The following CAMTA1 variants were observed in gnomAD, a reference collection of about 807,000 sequenced individuals.
The protein encoded by CAMTA1 is calmodulin-binding transcription activator 1.
Under a neutral mutation model 170.9 loss-of-function variants are expected in CAMTA1, and 27 were observed. That is an observed-to-expected ratio of 0.16 (90% CI 0.12 to 0.22). The LOEUF is 0.22. Among genes scored for constraint, CAMTA1 ranks in the 10% least tolerant of loss-of-function variants. The pLI, the probability that CAMTA1 is intolerant of heterozygous loss-of-function variation, is 1.00. For synonymous variants in CAMTA1, 833 were observed against 891.5 expected (o/e 0.93, Z 1.17); for missense variants, 1,619 against 2,217.2 (o/e 0.73, Z 5.42).
chr1:7,352,540 C>T (rs1053729251), intron 5 of CAMTA1, among the ~76,000 whole-genome samples: 23 of 152,306 alleles, frequency 1.5e-4, no homozygotes, highest in Admixed American at 7.8e-4. Flanking sequence ...TGCAGGTGTC[C>T]TCACTGATTT....
At chr1:7,150,276 C>G (rs533437727) in intron 4 of CAMTA1, among the ~76,000 whole-genome samples, 1 of 152,320 alleles carries the variant, frequency 6.6e-6, no homozygotes, top group Non-Finnish European at 1.5e-5. Flanking sequence ...CAGGTGGGCA[C>G]AGGCCCATTG....
chr1:7,156,858 T>C (rs914813474), intron 4 of CAMTA1, among the ~76,000 whole-genome samples: 2 of 152,122 alleles, frequency 1.3e-5, no homozygotes, highest in African/African-American at 4.8e-5. Flanking sequence ...AGTCCTCCAC[T>C]ACCACCGCCA....
intron 3 of CAMTA1, among the ~76,000 whole-genome samples, chr1:6,891,378 T>C (rs1674462846): frequency 6.6e-6 from 1 of 152,236 alleles, no homozygotes; most frequent in Non-Finnish European, 1.5e-5. Context: ...ATGTTTGCGC[T>C]CAGTCCCTGA....
At chr1:6,827,514 A>G (rs1360658696) in intron 3 of CAMTA1, among the ~76,000 whole-genome samples, 1 of 151,680 alleles carries the variant, frequency 6.6e-6, no homozygotes, top group Non-Finnish European at 1.5e-5. Flanking sequence ...GCAGAATGTT[A>G]TGTGGCGATG....
chr1:7,389,931 G>T (rs1211978980), intron 5 of CAMTA1, among the ~76,000 whole-genome samples: 5 of 152,134 alleles, frequency 3.3e-5, no homozygotes. Context: ...CCAAGTCAGG[G>T]CCACTAGTTT....
In CAMTA1 at chr1:7,443,036, T is replaced by C. The variant is rs145746022; in HGVS notation, c.439-24794T>C. ...TGAACACTTCTTCCTGCCTGTGGTC[T>C]CTCCTTGCCCCTGCGCAGATCCTCC... On this transcript the variant is annotated intron_variant, in intron 5 of 22. Coordinates refer to ENST00000303635, the MANE Select transcript of CAMTA1 (RefSeq NM_015215.4). The surrounding 1 kb of genome is among the most constrained non-coding windows in gnomAD (Gnocchi z 4.1). Among the ~76,000 whole-genome samples the C allele has an allele frequency of 3.4e-4, 51 of 151,622 alleles. No homozygotes were observed. In the East Asian group the frequency reaches 4.6e-3, roughly 14 times the overall value.
intron 1 of CAMTA1, among the ~76,000 whole-genome samples, chr1:6,803,907 G>A (rs1246822586): frequency 2.0e-5 from 3 of 151,902 alleles, no homozygotes; most frequent in African/African-American, 4.8e-5. Context: ...TTTTGGCCAG[G>A]CATGGTGGCT....
At chr1:7,142,550 C>T (rs1190495709) in intron 4 of CAMTA1, among the ~76,000 whole-genome samples, 3 of 152,172 alleles carry the variant, frequency 2.0e-5, no homozygotes, top group East Asian at 1.9e-4. Flanking sequence ...GTTTGTGTCA[C>T]GGGGTGGATC....
rs759024858 is a variant in CAMTA1 at position 7,664,779 on chromosome 1, C to T, written c.2232C>T (p.Leu744=). 7.4e-6 allele frequency: 12 copies of T among 1,612,194 alleles called. No individual in the cohort carries two copies. The highest frequency in any genetic ancestry group is 1.0e-5 in the Non-Finnish European group (12 of 1,179,356). The change falls in exon 9 of 23, where the codon CTC becomes CTT. Residue 744 remains leucine (L), a synonymous_variant. Coordinates refer to ENST00000303635, the MANE Select transcript of CAMTA1 (RefSeq NM_015215.4). ...PILPGNVVQG[L]YPVAQPSLGN... ...TCCCGGGCAACGTGGTGCAGGGACTCTACCCCGTGGCCCAGCCCAGCCTCG... is the reference window on the plus strand; with the variant it reads ...TCCCGGGCAACGTGGTGCAGGGACTTTACCCCGTGGCCCAGCCCAGCCTCG...
intron 6 of CAMTA1, among the ~76,000 whole-genome samples, chr1:7,636,763 C>T (rs1400632777): frequency 6.6e-6 from 1 of 151,784 alleles, no homozygotes. Flanking sequence ...AAAACTGAAG[C>T]CAGATGTCAG....
Position 7,026,660 on chromosome 1 carries a change from CGG to C in CAMTA1, c.235-64643_235-64642del, listed in dbSNP as rs535884565. On this transcript the variant is annotated intron_variant, in intron 3 of 22. Coordinates refer to ENST00000303635, the MANE Select transcript of CAMTA1 (RefSeq NM_015215.4). ...CTTTTTTTTTTTTTTTTTTTTGAGA[CGG>C]AATCTTTCACCAGGCTGGAGTGCAG... is the stretch of plus-strand genomic sequence containing the variant. Among the ~76,000 whole-genome samples, 51 of 115,944 alleles carry C rather than the reference CGG, an allele frequency of 4.4e-4. 3 individuals are homozygous for C. In the South Asian group the frequency reaches 0.012, roughly 27 times the overall value. 76.1% of individuals were successfully genotyped at this position (115,944 alleles called of 152,430 possible). A position where few individuals can be genotyped will look rare whatever the true frequency, so the allele number is the denominator to read the frequency against.
At chr1:6,945,390 C>T (rs1198157864) in intron 3 of CAMTA1, among the ~76,000 whole-genome samples, 1 of 151,958 alleles carries the variant, frequency 6.6e-6, no homozygotes, top group South Asian at 2.1e-4. Flanking sequence ...GGGTCTCACT[C>T]CAGGCTGGAG....
chr1:7,021,262 C>T (rs971446293), intron 3 of CAMTA1, among the ~76,000 whole-genome samples: 1 of 152,146 alleles, frequency 6.6e-6, no homozygotes, highest in Non-Finnish European at 1.5e-5. Flanking sequence ...TGGGGCGGTG[C>T]GATGGAGTAG....
chr1:7,095,092 G>T (rs947279564), intron 4 of CAMTA1, among the ~76,000 whole-genome samples: 1 of 135,102 alleles, frequency 7.4e-6, no homozygotes, highest in African/African-American at 2.8e-5. Flanking sequence ...CTTGTTTTAC[G>T]TTTCTCTGGA....
intron 5 of CAMTA1, among the ~76,000 whole-genome samples, chr1:7,250,409 A>G (rs1666447766): frequency 6.6e-6 from 1 of 152,234 alleles, no homozygotes; most frequent in South Asian, 2.1e-4. Context: ...GGTCCTGGGA[A>G]GGAACTTCCC....
chr1:7,446,971 G>A (rs1022695066), intron 5 of CAMTA1, among the ~76,000 whole-genome samples: 1 of 152,208 alleles, frequency 6.6e-6, no homozygotes, highest in African/African-American at 2.4e-5. Flanking sequence ...CCCAGGTATG[G>A]TGCTGGGGTC....
intron 6 of CAMTA1, among the ~76,000 whole-genome samples, chr1:7,628,116 G>A (rs1466877355): frequency 1.3e-5 from 2 of 152,214 alleles, no homozygotes; most frequent in Non-Finnish European, 2.9e-5. Context: ...TGTTCCATCA[G>A]TTGCATCGAG....
At chr1:7,528,754 G>A (rs1409428038) in intron 6 of CAMTA1, among the ~76,000 whole-genome samples, 1 of 151,798 alleles carries the variant, frequency 6.6e-6, no homozygotes, top group African/African-American at 2.4e-5. Flanking sequence ...TGAATGAACT[G>A]TTTCTTGGCC....
intron 11 of CAMTA1, among the ~76,000 whole-genome samples, chr1:7,705,019 G>A (rs1383688970): frequency 6.8e-6 from 1 of 147,342 alleles, no homozygotes; most frequent in African/African-American, 2.5e-5. Context: ...CGGGCCGGGG[G>A]CGTGGTGCGC....
Sources: gnomAD v4.1 joint callset for allele counts (sites outside exome capture counted in the v4.1 genomes callset) on GRCh38, gnomAD v4.1.1 for gene constraint, Gnocchi (gnomAD v3.1) non-coding constraint, MANE v1.5 for transcripts, NCBI Gene and HGNC (gene_info 2026-07-23, HGNC 2026-07-21) for gene names.